PARD3: variants seen among roughly 807,000 people sequenced by gnomAD.
The protein encoded by PARD3 is partitioning defective 3 homolog.
In PARD3, 75 loss-of-function variants were observed where a neutral mutation model predicts 155.4. The observed-to-expected ratio is 0.48, with a 90% confidence interval of 0.40 to 0.58. The LOEUF (loss-of-function observed/expected upper bound fraction) is 0.58, where lower values mean the gene tolerates loss of function less well. PARD3 is among the 20% of genes least tolerant of loss of function. The pLI is 0.00. For synonymous variants in PARD3, 576 were observed against 610.5 expected (o/e 0.94, Z 0.83); for missense variants, 1,642 against 1,721.7 (o/e 0.95, Z 0.82).
chr10:34,525,250 C>T (rs1448214982), intron 2 of PARD3, among the ~76,000 whole-genome samples: 1 of 152,142 alleles, frequency 6.6e-6, no homozygotes, highest in African/African-American at 2.4e-5. Context: ...GAGATTAATT[C>T]CACGCTTCAT....
rs111544747 is a variant in PARD3 at position 34,146,193 on chromosome 10, T to C, written c.3420-14610A>G. On this transcript the variant is annotated intron_variant, in intron 22 of 24. Transcript: ENST00000374788. The stretch of plus-strand genomic sequence containing the variant: ...AAGAAATAGCTTTACTCTCTAATGT[T>C]AGACTTTCTAATTTCTGTTATTCTT... 5.6e-3 allele frequency among the ~76,000 whole-genome samples: 847 copies of C among 152,348 alleles called. 7 individuals are homozygous for C. Among genetic ancestry groups the C allele is most frequent in the African/African-American group, 0.019 (784 of 41,586 alleles).
At chr10:34,498,635 AG>A (rs968396579) in intron 3 of PARD3, among the ~76,000 whole-genome samples, 24 of 152,180 alleles carry the variant, frequency 1.6e-4, no homozygotes, top group African/African-American at 5.8e-4. Flanking sequence ...AAATTAGCCA[AG>A]TGTGGTGGTG....
At chr10:34,512,309 C>T (rs78489849) in intron 3 of PARD3, among the ~76,000 whole-genome samples, 4 of 152,160 alleles carry the variant, frequency 2.6e-5, no homozygotes, top group Non-Finnish European at 4.4e-5. Flanking sequence ...TCACTGGTAG[C>T]CTTCTCCTTG....
In PARD3 at chr10:34,772,372, C is replaced by T. The variant is rs144964631; in HGVS notation, c.120+42504G>A. On this transcript the variant is annotated intron_variant, in intron 1 of 24. Coordinates refer to ENST00000374788, the MANE Select transcript of PARD3 (RefSeq NM_001184785.2). ...AAAAAATAAAAGGACTTGCATTCCTCGAATAAAAGTTATTTTCTCATTATC... is the reference window on the plus strand; with the variant it reads ...AAAAAATAAAAGGACTTGCATTCCTTGAATAAAAGTTATTTTCTCATTATC... Among the ~76,000 whole-genome samples the T allele has an allele frequency of 6.6e-5, 10 of 151,992 alleles. No individual in the cohort carries two copies. The East Asian group carries it at 1.9e-3, about 30-fold the overall frequency.
intron 1 of PARD3, among the ~76,000 whole-genome samples, chr10:34,768,247 G>A (rs994940316): frequency 4.6e-5 from 7 of 152,078 alleles, no homozygotes; most frequent in African/African-American, 1.7e-4. Flanking sequence ...CTGATGACAA[G>A]TGCCCAAGGT....
chr10:34,684,859 G>GTA (rs1183203806), intron 2 of PARD3, among the ~76,000 whole-genome samples: 13 of 55,562 alleles, frequency 2.3e-4, no homozygotes, highest in South Asian at 2.0e-3. Flanking sequence ...ATATATACAT[G>GTA]TATATATATA....
At chr10:34,406,692 T>C (rs972846080) in intron 5 of PARD3, among the ~76,000 whole-genome samples, 4 of 151,944 alleles carry the variant, frequency 2.6e-5, no homozygotes, top group Non-Finnish European at 4.4e-5. Flanking sequence ...CTCCCTGGGC[T>C]CAGGTCTGAT....
At chr10:34,240,639 C>T (rs772670663) in intron 22 of PARD3, among the ~76,000 whole-genome samples, 7 of 151,956 alleles carry the variant, frequency 4.6e-5, no homozygotes, top group African/African-American at 9.7e-5. Context: ...AAAGAAGTTG[C>T]TTTAAAAATA....
intron 1 of PARD3, among the ~76,000 whole-genome samples, chr10:34,768,575 G>A (rs540333893): frequency 5.1e-4 from 78 of 152,306 alleles, no homozygotes; most frequent in African/African-American, 1.7e-3. Context: ...TAGAATGGGC[G>A]GCAGGTTTGC....
chr10:34,148,560 G>A (rs1473898163), intron 22 of PARD3, among the ~76,000 whole-genome samples: 1 of 152,126 alleles, frequency 6.6e-6, no homozygotes, highest in African/African-American at 2.4e-5. Flanking sequence ...CATTAAAAAT[G>A]CCATCTCTGT....
At chr10:34,619,563 T>G (rs1287033036) in intron 2 of PARD3, among the ~76,000 whole-genome samples, 2 of 152,228 alleles carry the variant, frequency 1.3e-5, no homozygotes, top group Non-Finnish European at 1.5e-5. Context: ...TAATTTTTAT[T>G]TTACCACCAC....
Position 34,450,342 on chromosome 10 carries a change from C to T in PARD3, c.689G>A (p.Gly230Asp), listed in dbSNP as rs1246051371. Residue 230 changes from glycine to aspartate, a missense_variant, in exon 5 of 25, where the codon GGC (glycine) becomes GAC (aspartate). Gly to Asp is a moderately conservative substitution (Grantham distance 94). This residue lies in a region of PARD3 where 1,529 missense variants were observed against 1,587.3 expected (regional missense o/e 0.96). Transcript: ENST00000374788. ...CTGTTCTTGTTTCTCCAGCCACTTG[C>T]CCACCATTGGGTGACTGGCACTCAG... ...SSLSASHPMV[G>D]KWLEKQEQDE... 6.2e-7 allele frequency: 1 copy of T among 1,613,730 alleles called. No individual in the cohort carries two copies. Among genetic ancestry groups the T allele is most frequent in the African/African-American group, 1.3e-5 (1 of 75,004 alleles).
intron 20 of PARD3, chr10:34,312,436 A>G (rs1253949785): frequency 6.3e-7 from 1 of 1,588,630 alleles, no homozygotes; most frequent in Non-Finnish European, 8.6e-7. Flanking sequence ...GGAAAGCAAC[A>G]AGAATCTGTG....
At chr10:34,330,444 A>G (rs1040592291) in intron 19 of PARD3, among the ~76,000 whole-genome samples, 6 of 152,132 alleles carry the variant, frequency 3.9e-5, no homozygotes, top group Admixed American at 1.3e-4. Flanking sequence ...AAACACACAT[A>G]AATATAGCTT....
chr10:34,237,833 T>C (rs1367942865), intron 22 of PARD3, among the ~76,000 whole-genome samples: 2 of 152,208 alleles, frequency 1.3e-5, no homozygotes, highest in East Asian at 3.8e-4. Context: ...CAGTATTTTA[T>C]ATGCGTCTCC....
chr10:34,206,072 C>A (rs1055123407), intron 22 of PARD3, among the ~76,000 whole-genome samples: 1 of 152,080 alleles, frequency 6.6e-6, no homozygotes, highest in African/African-American at 2.4e-5. Flanking sequence ...TTTAAAAAAC[C>A]CTTTCACATG....
intron 2 of PARD3, among the ~76,000 whole-genome samples, chr10:34,666,777 TAAAAAAA>T (rs771593408): frequency 0.055 from 947 of 17,136 alleles, 53 homozygotes; most frequent in Middle Eastern, 0.17. Flanking sequence ...CCCCTCCCCC[TAAAAAAA>T]AAAAAAAAAA....
At chr10:34,764,066 C>T (rs1480694817) in intron 1 of PARD3, among the ~76,000 whole-genome samples, 3 of 152,178 alleles carry the variant, frequency 2.0e-5, no homozygotes, top group Non-Finnish European at 4.4e-5. Flanking sequence ...ACTGCTCATA[C>T]CTGGCTTCCT....
intron 5 of PARD3, among the ~76,000 whole-genome samples, chr10:34,429,350 C>T (rs1216362114): frequency 6.6e-6 from 1 of 151,824 alleles, no homozygotes; most frequent in Non-Finnish European, 1.5e-5. Flanking sequence ...CAAAACTTAA[C>T]CTAGATGAGA....
Sources: allele counts gnomAD v4.1 joint callset (sites outside exome capture counted in the v4.1 genomes callset), GRCh38; gene constraint gnomAD v4.1.1; regional missense constraint gnomAD v4.1.1; transcripts MANE v1.5; gene names NCBI Gene and HGNC (gene_info 2026-07-23, HGNC 2026-07-21).